Variants in EYS observed in about 807,000 individuals in gnomAD.
EYS encodes the protein protein eyes shut homolog.
Under a neutral mutation model 282.1 loss-of-function variants are expected in EYS, and 250 were observed. The observed-to-expected ratio is 0.89, with a 90% CI of 0.80 to 0.98. EYS has a LOEUF of 0.98. Ranked by LOEUF, EYS falls within the 50% of genes least tolerant of loss-of-function variation. EYS has a pLI of 0.00. For missense variants in EYS, 4,016 were observed against 3,709.0 expected, an observed-to-expected ratio of 1.08 and a Z score of -2.15; for synonymous variants, 1,355 against 1,282.9, an observed-to-expected ratio of 1.06 and a Z score of -1.20.
chr6:64,225,336 G>A (rs1766224808), intron 31 of EYS, among the ~76,000 whole-genome samples: 1 of 151,922 alleles, frequency 6.6e-6, no homozygotes, highest in Admixed American at 6.6e-5. Context: ...TGGAAACTGT[G>A]CCTATTCCCC....
chr6:64,119,328 A>T (rs80232242), intron 31 of EYS, among the ~76,000 whole-genome samples: 10,418 of 152,230 alleles, frequency 0.068, 1,082 homozygotes, highest in African/African-American at 0.23. Flanking sequence ...ATTTGAAATA[A>T]TTTTGGCTTA....
Position 63,875,581 on chromosome 6 carries a change from G to A in EYS, c.7056-11223C>T, listed in dbSNP as rs190618318. On this transcript the variant is annotated intron_variant, in intron 35 of 42. Transcript: ENST00000503581. ...CTCCTTGTACCTCTGGTAGAATTCC[G>A]TTGTGATTCCGTCTGGTCCTGGACT... is the stretch of plus-strand genomic sequence containing the variant. Among the ~76,000 whole-genome samples, 8 of 152,264 alleles carry A rather than the reference G, an allele frequency of 5.3e-5. No individual in the cohort carries two copies. The East Asian group carries it at 7.7e-4, about 15-fold the overall frequency.
intron 2 of EYS, among the ~76,000 whole-genome samples, chr6:65,603,246 T>A (rs1454414904): frequency 6.6e-6 from 1 of 151,856 alleles, no homozygotes; most frequent in Admixed American, 6.6e-5. Context: ...GCTACAGGAA[T>A]CCTAGTGTAA....
intron 29 of EYS, among the ~76,000 whole-genome samples, chr6:64,361,034 T>C (rs1771984054): frequency 1.3e-5 from 2 of 151,600 alleles, no homozygotes; most frequent in South Asian, 4.1e-4. Flanking sequence ...GAAACAAACA[T>C]GCTGTAGGTT....
chr6:63,879,383 G>A (rs1003971342), intron 35 of EYS, among the ~76,000 whole-genome samples: 5 of 152,124 alleles, frequency 3.3e-5, no homozygotes, highest in Non-Finnish European at 7.4e-5. Flanking sequence ...TTACAATGCT[G>A]GTTGGTGGAG....
chr6:63,753,143 T>TAC (rs1307865493), intron 41 of EYS, among the ~76,000 whole-genome samples: 2 of 5,628 alleles, frequency 3.6e-4, no homozygotes, highest in African/African-American at 1.3e-3. Context: ...TGTGTGTGTA[T>TAC]ATATATATAT....
intron 33 of EYS, among the ~76,000 whole-genome samples, chr6:64,020,148 T>C (rs532746899): frequency 5.3e-4 from 81 of 152,230 alleles, no homozygotes; most frequent in Middle Eastern, 6.8e-3. Context: ...TCTTGTTTGA[T>C]AGCAGAGTAG....
chr6:65,510,111 G>A (rs1409918112), intron 2 of EYS, among the ~76,000 whole-genome samples: 6 of 150,520 alleles, frequency 4.0e-5, no homozygotes, highest in East Asian at 2.0e-4. Flanking sequence ...ATGCTGGTGC[G>A]CTGCACCCAC....
Position 64,230,568 on chromosome 6 carries a change from A to G in EYS, c.6424+24T>C, listed in dbSNP as rs1208191483. The stretch of plus-strand genomic sequence containing the variant: ...TGGAGAGGTTTTTAAAAAGAAATAC[A>G]AAAGGGTAATGAAGATTGATTACCT... On this transcript the variant is annotated intron_variant, in intron 31 of 42. Coordinates refer to ENST00000503581, the MANE Select transcript of EYS (RefSeq NM_001142800.2). 100 of 1,509,998 alleles carry G rather than the reference A, an allele frequency of 6.6e-5. 1 individual carries two copies. The highest frequency in any genetic ancestry group is 6.1e-5 in the Non-Finnish European group (68 of 1,111,628). The allele number at this position is 1,509,998 out of a possible 1,614,324, so 93.5% of individuals were successfully genotyped here.
chr6:65,495,383 T>A lies in EYS; in HGVS notation c.28A>T (p.Ser10Cys). 6.2e-7 allele frequency: 1 copy of A among 1,612,300 alleles called. No individual in the cohort carries two copies. Among genetic ancestry groups the A allele is most frequent in the Non-Finnish European group, 8.5e-7 (1 of 1,179,998 alleles). ...AAAGAGCTGTGAAAAACCATCAGGC[T>A]CAGAATGACGATTGATTTGTCAGTC... is the stretch of plus-strand genomic sequence containing the variant. MTDKSIVIL[S>C]LMVFHSSFIN... Residue 10 changes from serine to cysteine, a missense_variant, in exon 4 of 43, where the codon AGC (serine) becomes TGC (cysteine). Ser to Cys is a moderately radical substitution (Grantham distance 112). Coordinates refer to ENST00000503581, the MANE Select transcript of EYS (RefSeq NM_001142800.2).
At chr6:64,391,322 G>A (rs532430884) in intron 28 of EYS, among the ~76,000 whole-genome samples, 54 of 152,042 alleles carry the variant, frequency 3.6e-4, no homozygotes, top group African/African-American at 9.4e-4. Context: ...ACACATAATT[G>A]TCAGATTCAC....
In EYS at chr6:65,028,336, A is replaced by G. The variant is rs569113814; in HGVS notation, c.2137+29278T>C. Among the ~76,000 whole-genome samples, 279 of 151,842 alleles carry G rather than the reference A, an allele frequency of 1.8e-3. 2 individuals are homozygous for G. The highest frequency in any genetic ancestry group is 6.6e-3 in the African/African-American group (275 of 41,496). On this transcript the variant is annotated intron_variant, in intron 13 of 42. Coordinates refer to ENST00000503581, the MANE Select transcript of EYS (RefSeq NM_001142800.2). The stretch of plus-strand genomic sequence containing the variant: ...ATTTCTACAATAATATATATTATCT[A>G]TATCATATATAATTCTTTTTGTGAA...
chr6:65,416,299 T>C (rs940996656), intron 5 of EYS, among the ~76,000 whole-genome samples: 6 of 151,886 alleles, frequency 4.0e-5, no homozygotes, highest in Non-Finnish European at 5.9e-5. Context: ...TTCATAGTAA[T>C]AGTAAGTGTG....
intron 13 of EYS, among the ~76,000 whole-genome samples, chr6:65,001,117 C>CAGAAGTCTCTACCCAGCAGTCGCCCA (rs1346641497): frequency 6.7e-6 from 1 of 149,166 alleles, no homozygotes; most frequent in Non-Finnish European, 1.5e-5. Context: ...TGCTCTCAGC[C>CAGAAGTCTCTACCCAGCAGTCGCCCA]TTGCTGTCCG....
intron 12 of EYS, among the ~76,000 whole-genome samples, chr6:65,261,198 A>G (rs1767610972): frequency 1.3e-5 from 2 of 152,042 alleles, no homozygotes; most frequent in South Asian, 4.1e-4. Context: ...TGTGGAATCA[A>G]GAAAAAAGTT....
intron 12 of EYS, among the ~76,000 whole-genome samples, chr6:65,234,717 TTTATA>T (rs1434957108): frequency 4.6e-5 from 7 of 152,174 alleles, no homozygotes; most frequent in Non-Finnish European, 7.3e-5. Flanking sequence ...AACTATACTA[TTTATA>T]TTGTCAGTTA....
intron 24 of EYS, among the ~76,000 whole-genome samples, chr6:64,599,252 A>C (rs1010774878): frequency 1.4e-4 from 21 of 152,202 alleles, no homozygotes; most frequent in Non-Finnish European, 2.4e-4. Flanking sequence ...ATTCGGGGGA[A>C]GAATGGAAGC....
At chr6:65,421,914 A>G (rs976868806) in intron 5 of EYS, among the ~76,000 whole-genome samples, 6 of 151,938 alleles carry the variant, frequency 3.9e-5, no homozygotes, top group Non-Finnish European at 8.8e-5. Flanking sequence ...TACAATAGTA[A>G]CATCAAAGAT....
At chr6:63,941,343 C>G (rs1049641769) in intron 35 of EYS, among the ~76,000 whole-genome samples, 7 of 152,096 alleles carry the variant, frequency 4.6e-5, no homozygotes, top group African/African-American at 1.7e-4. Context: ...TCTCCAGCAC[C>G]TGTTGTTTCC....
Sources: allele counts gnomAD v4.1 joint callset (sites outside exome capture counted in the v4.1 genomes callset), GRCh38; gene constraint gnomAD v4.1.1; transcripts MANE v1.5; gene names NCBI Gene and HGNC (gene_info 2026-07-23, HGNC 2026-07-21).